The following SPIRE1 variants were observed in gnomAD, a reference collection of about 807,000 sequenced individuals.
SPIRE1 encodes the protein protein spire homolog 1.
A neutral mutation model predicts 94.1 loss-of-function variants in SPIRE1; 40 were observed. The observed-to-expected ratio is 0.43, with a 90% CI of 0.33 to 0.55. The LOEUF (loss-of-function observed/expected upper bound fraction) is 0.55, where lower values mean the gene tolerates loss of function less well. SPIRE1 is among the 20% of genes least tolerant of loss of function. The pLI, the probability that SPIRE1 is intolerant of heterozygous loss-of-function variation, is 0.06. For synonymous variants in SPIRE1, 376 were observed against 371.7 expected, an observed-to-expected ratio of 1.01 and a Z score of -0.13; for missense variants, 838 against 975.2, an observed-to-expected ratio of 0.86 and a Z score of 1.87.
intron 2 of SPIRE1, among the ~76,000 whole-genome samples, chr18:12,548,952 A>C (rs1407129682): frequency 6.6e-6 from 1 of 152,170 alleles, no homozygotes; most frequent in African/African-American, 2.4e-5. Context: ...TGGATCTTCT[A>C]AGTTCCAAGG....
At chr18:12,526,853 G>C (rs956699764) in intron 4 of SPIRE1, among the ~76,000 whole-genome samples, 4 of 151,982 alleles carry the variant, frequency 2.6e-5, no homozygotes, top group Admixed American at 6.6e-5. Context: ...GGGATTACAA[G>C]CACATGCCAC....
chr18:12,541,829 A>G (rs541009944), intron 3 of SPIRE1, among the ~76,000 whole-genome samples: 1 of 149,216 alleles, frequency 6.7e-6, no homozygotes, highest in African/African-American at 2.4e-5. Flanking sequence ...CCATGTATGT[A>G]GTTTTAAATT....
At chr18:12,557,100 T>C (rs1259746550) in intron 2 of SPIRE1, among the ~76,000 whole-genome samples, 9 of 152,204 alleles carry the variant, frequency 5.9e-5, no homozygotes. Context: ...GGATCCCGCG[T>C]TGGGGCTGCG....
At chr18:12,461,334 A>G (rs1353802645) in intron 12 of SPIRE1, among the ~76,000 whole-genome samples, 1 of 152,144 alleles carries the variant, frequency 6.6e-6, no homozygotes, top group East Asian at 1.9e-4. Context: ...GCTTCTAGGA[A>G]AAGCTGAGTG....
intron 2 of SPIRE1, among the ~76,000 whole-genome samples, chr18:12,610,882 C>T (rs1327514984): frequency 6.6e-6 from 1 of 152,164 alleles, no homozygotes; most frequent in Non-Finnish European, 1.5e-5. Flanking sequence ...CTCCCACCAT[C>T]CCATCTCAGC....
intron 3 of SPIRE1, among the ~76,000 whole-genome samples, chr18:12,539,373 C>T (rs888248566): frequency 6.6e-6 from 1 of 152,154 alleles, no homozygotes; most frequent in Non-Finnish European, 1.5e-5. Flanking sequence ...TAAGACATGA[C>T]TTGCTCCTCC....
chr18:12,651,770 A>G (rs1401165941), intron 1 of SPIRE1, among the ~76,000 whole-genome samples: 3 of 152,182 alleles, frequency 2.0e-5, no homozygotes, highest in Non-Finnish European at 4.4e-5. Flanking sequence ...TGCCAAGACG[A>G]TCTTCCCCTC....
chr18:12,593,462 G>A (rs1435022252), intron 2 of SPIRE1, among the ~76,000 whole-genome samples: 2 of 152,192 alleles, frequency 1.3e-5, no homozygotes, highest in African/African-American at 4.8e-5. Context: ...TAAAAAAGAT[G>A]AGATTGTTAA....
intron 1 of SPIRE1, chr18:12,656,849 T>C (rs1043360803): frequency 5.5e-6 from 1 of 182,658 alleles, no homozygotes; most frequent in Non-Finnish European, 1.0e-5. Context: ...CTTTTCACTT[T>C]ACAAGCCTGT....
rs552465485 is a variant in SPIRE1, at chr18:12,559,417, C to T, written c.373-12513G>A. The stretch of plus-strand genomic sequence containing the variant: ...GGCGAGACTGCACCCACCCGGAACT[C>T]GTGCTGGCCTGCGAACACCACGCGC... On this transcript the variant is annotated intron_variant, in intron 2 of 16. Coordinates refer to ENST00000409402, the MANE Select transcript of SPIRE1 (RefSeq NM_001128626.2). This position sits in a 1 kb window ranked among gnomAD's most constrained non-coding sequence, Gnocchi z 4.7. 1.1e-3 allele frequency among the ~76,000 whole-genome samples: 173 copies of T among 152,316 alleles called. No individual in the cohort carries two copies. Among genetic ancestry groups the T allele is most frequent in the African/African-American group, 4.1e-3 (170 of 41,584 alleles).
intron 10 of SPIRE1, among the ~76,000 whole-genome samples, chr18:12,476,881 C>T (rs1479963009): frequency 1.3e-5 from 2 of 152,022 alleles, no homozygotes; most frequent in African/African-American, 4.8e-5. Flanking sequence ...TTTCTACCAC[C>T]ACTGACTTAA....
chr18:12,447,829 T>C lies in SPIRE1; in HGVS notation c.*1809A>G, dbSNP rs890933365. On this transcript the variant is annotated 3_prime_UTR_variant, in exon 17 of 17. Transcript: ENST00000409402. ...TCCTAGGTGCATATTTATATACATA[T>C]ACAAATACCATTTCCTTCCCCCTTG... is the stretch of plus-strand genomic sequence containing the variant. 23 of 152,226 alleles carry C rather than the reference T, an allele frequency of 1.5e-4. No homozygotes were observed. The highest frequency in any genetic ancestry group is 1.0e-4 in the Non-Finnish European group (7 of 68,044). The allele number at this position is 152,226 out of a possible 1,614,324, so 9.4% of individuals were successfully genotyped here. A position where few individuals can be genotyped will look rare whatever the true frequency, so the allele number is the denominator to read the frequency against.
chr18:12,495,296 A>G (rs1201581699), intron 7 of SPIRE1, among the ~76,000 whole-genome samples: 1 of 152,204 alleles, frequency 6.6e-6, no homozygotes, highest in African/African-American at 2.4e-5. Context: ...TTCTGAGTCT[A>G]TGGTTGCTAG....
chr18:12,483,287 TATAGTTTTCTGTTTGAATGAATA>T (rs759864000), intron 9 of SPIRE1, among the ~76,000 whole-genome samples: 112 of 152,314 alleles, frequency 7.4e-4, no homozygotes, highest in Admixed American at 4.6e-4. Context: ...TTTGATCACT[TATAGTTTTCTGTTTGAATGAATA>T]AATTATCATT....
chr18:12,618,716 C>G (rs1337949243), intron 2 of SPIRE1, among the ~76,000 whole-genome samples: 4 of 152,098 alleles, frequency 2.6e-5, no homozygotes, highest in Admixed American at 2.6e-4. Context: ...TTTAAACACA[C>G]ACAAAAAAAT....
At chr18:12,576,001 C>T (rs1353983766) in intron 2 of SPIRE1, among the ~76,000 whole-genome samples, 8 of 151,814 alleles carry the variant, frequency 5.3e-5, no homozygotes, top group African/African-American at 1.7e-4. Context: ...GTCAGGAGTT[C>T]AAGACCAGCC....
intron 6 of SPIRE1, among the ~76,000 whole-genome samples, chr18:12,496,797 A>T (rs2033475664): frequency 1.3e-5 from 2 of 152,224 alleles, no homozygotes; most frequent in Non-Finnish European, 2.9e-5. Flanking sequence ...TGAACCCAGG[A>T]GGCGGAGCTT....
chr18:12,492,903 A>C (rs2033289281), intron 8 of SPIRE1, among the ~76,000 whole-genome samples, 169 bp downstream of exon 8: 1 of 152,108 alleles, frequency 6.6e-6, no homozygotes, highest in African/African-American at 2.4e-5. Flanking sequence ...TATGTATATG[A>C]GAGAGTGAGA....
chr18:12,482,112 C>A (rs952521373), intron 9 of SPIRE1, among the ~76,000 whole-genome samples: 3 of 152,128 alleles, frequency 2.0e-5, no homozygotes, highest in African/African-American at 7.2e-5. Flanking sequence ...GTATGCATAC[C>A]ACTGCACAGA....
Sources: gnomAD v4.1 joint callset for allele counts (sites outside exome capture counted in the v4.1 genomes callset) on GRCh38, gnomAD v4.1.1 for gene constraint, Gnocchi (gnomAD v3.1) non-coding constraint, MANE v1.5 for transcripts, NCBI Gene and HGNC (gene_info 2026-07-23, HGNC 2026-07-21) for gene names.